Variants in CSMD3 observed in about 807,000 individuals in gnomAD.
CSMD3 encodes the protein CUB and sushi domain-containing protein 3.
In CSMD3, 177 loss-of-function variants were observed where a neutral mutation model predicts 435.2. The ratio of observed to expected loss-of-function variants is 0.41; its 90% CI spans 0.36 to 0.46. CSMD3 has a LOEUF of 0.46. Among genes scored for constraint, CSMD3 ranks in the 20% least tolerant of loss-of-function variants. The probability of loss-of-function intolerance (pLI) is 0.34; values close to 1 mark genes in which losing one functional copy is unlikely to be tolerated. For synonymous variants in CSMD3, 1,656 were observed against 1,520.5 expected, an observed-to-expected ratio of 1.09 and a Z score of -2.07; for missense variants, 4,265 against 4,504.6, an observed-to-expected ratio of 0.95 and a Z score of 1.52.
At chr8:112,626,239 C>T (rs981923122) in intron 22 of CSMD3, among the ~76,000 whole-genome samples, 1 of 152,056 alleles carries the variant, frequency 6.6e-6, no homozygotes, top group Non-Finnish European at 1.5e-5. Flanking sequence ...CGTATTCAAC[C>T]GAAGCCCACC....
intron 9 of CSMD3, among the ~76,000 whole-genome samples, chr8:112,930,059 A>C (rs960461924): frequency 7.2e-5 from 11 of 152,098 alleles, no homozygotes; most frequent in African/African-American, 2.7e-4. Context: ...TTAGTGTGAG[A>C]GCTAATAAAT....
At chr8:112,229,429 CT>C (rs1021705223) in intron 69 of CSMD3, among the ~76,000 whole-genome samples, 3 of 151,084 alleles carry the variant, frequency 2.0e-5, no homozygotes, top group Non-Finnish European at 4.4e-5. Flanking sequence ...TTTTTCTTTT[CT>C]TTTTTTCTTT....
chr8:113,395,095 C>T (rs1222376297), intron 1 of CSMD3, among the ~76,000 whole-genome samples: 1 of 151,308 alleles, frequency 6.6e-6, no homozygotes, highest in Non-Finnish European at 1.5e-5. Context: ...TTTTTTTTTC[C>T]AGAAATCATT....
chr8:112,515,589 C>T (rs1823588167), intron 28 of CSMD3, among the ~76,000 whole-genome samples: 1 of 151,974 alleles, frequency 6.6e-6, no homozygotes, highest in Admixed American at 6.6e-5. Context: ...TGCAGTGGTA[C>T]ATGAAGAACA....
chr8:112,413,176 G>A (rs1008421572), intron 32 of CSMD3, among the ~76,000 whole-genome samples: 2 of 152,068 alleles, frequency 1.3e-5, no homozygotes, highest in South Asian at 2.1e-4. Flanking sequence ...CAATTTTAAA[G>A]TATTTTCCTA....
chr8:112,839,215 G>T (rs1473305367), intron 11 of CSMD3, among the ~76,000 whole-genome samples: 1 of 151,662 alleles, frequency 6.6e-6, no homozygotes. Flanking sequence ...GGGACACTGA[G>T]AGCTACTGAT....
chr8:112,295,651 G>T lies in CSMD3; in HGVS notation c.8614+182C>A, dbSNP rs546846193. Reference sequence around the variant, plus strand: ...ATTATCTTCATGATAAAATATAACTGAAATTCTCTTGAACATATTCCACTT... The same window carrying T: ...ATTATCTTCATGATAAAATATAACTTAAATTCTCTTGAACATATTCCACTT... On this transcript the variant is annotated intron_variant, in intron 54 of 70. Transcript: ENST00000297405. Among the ~76,000 whole-genome samples, 4 of 151,844 alleles carry T rather than the reference G, an allele frequency of 2.6e-5. No homozygotes were observed. The South Asian group carries it at 6.2e-4, about 24-fold the overall frequency.
intron 13 of CSMD3, among the ~76,000 whole-genome samples, chr8:112,693,955 AGTTTT>A (rs1202051476): frequency 6.6e-6 from 1 of 151,706 alleles, no homozygotes; most frequent in East Asian, 1.9e-4. Flanking sequence ...TTCACTGTTT[AGTTTT>A]ATTTAATTAC....
At chr8:112,769,806 T>C (rs1299380974) in intron 13 of CSMD3, among the ~76,000 whole-genome samples, 1 of 151,956 alleles carries the variant, frequency 6.6e-6, no homozygotes, top group Non-Finnish European at 1.5e-5. Flanking sequence ...CCACAATCCA[T>C]TGAACATTTA....
chr8:112,818,180 T>C (rs746546874), intron 12 of CSMD3, among the ~76,000 whole-genome samples: 13 of 152,014 alleles, frequency 8.6e-5, no homozygotes, highest in Non-Finnish European at 1.5e-4. Flanking sequence ...AAGCCTTATA[T>C]TTACAATACT....
chr8:113,018,884 A>C (rs1388431866), intron 6 of CSMD3, 183 bp downstream of exon 6: 3 of 603,070 alleles, frequency 5.0e-6, no homozygotes, highest in Non-Finnish European at 8.8e-6. Context: ...CTATAAAATC[A>C]ACTAACTTTA....
Position 112,492,560 on chromosome 8 carries a change from T to A in CSMD3, c.5207A>T (p.Tyr1736Phe), listed in dbSNP as rs371411132. Residue 1736 changes from tyrosine (Y) to phenylalanine (F), a missense_variant, in exon 31 of 71, where the codon TAT (tyrosine) becomes TTT (phenylalanine). Tyr to Phe is a conservative substitution (Grantham distance 22). This residue lies in a region of CSMD3 where 3,255 missense variants were observed against 3,380.2 expected (regional missense o/e 0.96). Coordinates refer to ENST00000297405, the MANE Select transcript of CSMD3 (RefSeq NM_198123.2). Reference sequence around the variant, plus strand: ...TCCCATGATACAGGTGAGTGTTGAATAACCTTGAAGAACATAACCAGCATC... The same window carrying A: ...TCCCATGATACAGGTGAGTGTTGAAAAACCTTGAAGAACATAACCAGCATC... ...YCDAGYVLQG[Y>F]STLTCIMGDD... The A allele has an allele frequency of 3.7e-6, 6 of 1,613,960 alleles. No homozygotes were observed. In the African/African-American group the frequency reaches 6.7e-5, roughly 18 times the overall value.
At chr8:112,506,606 T>C in intron 29 of CSMD3, 85 bp downstream of exon 29, 2 of 1,285,116 alleles carry the variant, frequency 1.6e-6, no homozygotes, top group Non-Finnish European at 2.3e-6. Context: ...TATACAGAAA[T>C]AGGAATTAGT....
intron 22 of CSMD3, among the ~76,000 whole-genome samples, chr8:112,607,470 C>G (rs978839344): frequency 6.6e-6 from 1 of 151,976 alleles, no homozygotes; most frequent in Admixed American, 6.6e-5. Flanking sequence ...GAGAGCACAT[C>G]CAGATTCATT....
chr8:113,427,338 C>T (rs1052772090), intron 1 of CSMD3, among the ~76,000 whole-genome samples: 6 of 151,366 alleles, frequency 4.0e-5, no homozygotes, highest in Admixed American at 2.6e-4. Context: ...TGTGAAGTTT[C>T]CCATTTGCCT....
At chr8:112,967,860 G>C (rs1037886675) in intron 7 of CSMD3, among the ~76,000 whole-genome samples, 3 of 147,038 alleles carry the variant, frequency 2.0e-5, no homozygotes, top group East Asian at 3.9e-4. Flanking sequence ...AAAGAAGATG[G>C]AACAGAAAAA....
At chr8:112,257,803 A>G (rs761962574) in intron 61 of CSMD3, among the ~76,000 whole-genome samples, 5 of 152,206 alleles carry the variant, frequency 3.3e-5, no homozygotes, top group Non-Finnish European at 7.4e-5. Flanking sequence ...ATGAAATTAG[A>G]AAAGAGCCTG....
chr8:112,445,414 T>C (rs1815491060), intron 32 of CSMD3, among the ~76,000 whole-genome samples: 1 of 152,156 alleles, frequency 6.6e-6, no homozygotes, highest in Non-Finnish European at 1.5e-5. Context: ...TGGCATCTGC[T>C]TCTGGTGACT....
intron 5 of CSMD3, among the ~76,000 whole-genome samples, chr8:113,025,060 C>CT (rs1165888084): frequency 9.3e-5 from 14 of 151,222 alleles, no homozygotes; most frequent in Admixed American, 5.3e-4. Flanking sequence ...TATATTATTT[C>CT]TTTTTTTTTA....
Sources: allele counts gnomAD v4.1 joint callset (sites outside exome capture counted in the v4.1 genomes callset), GRCh38; gene constraint gnomAD v4.1.1; regional missense constraint gnomAD v4.1.1; transcripts MANE v1.5; gene names NCBI Gene and HGNC (gene_info 2026-07-23, HGNC 2026-07-21).